GMCL1: variants seen among roughly 807,000 people sequenced by gnomAD.
GMCL1 encodes the protein germ cell-less 1, spermatogenesis associated.
Under a neutral mutation model 75.5 loss-of-function variants are expected in GMCL1, and 54 were observed. The ratio of observed to expected loss-of-function variants is 0.71; its 90% CI spans 0.57 to 0.90. The LOEUF is 0.90. GMCL1 is among the 40% of genes least tolerant of loss of function. GMCL1 has a pLI of 0.00. For synonymous variants in GMCL1, 210 were observed against 209.6 expected, an observed-to-expected ratio of 1.00 and a Z score of -0.02; for missense variants, 537 against 622.7, an observed-to-expected ratio of 0.86 and a Z score of 1.47.
chr2:69,870,359 C>T (rs1297297879), intron 12 of GMCL1, among the ~76,000 whole-genome samples: 2 of 151,952 alleles, frequency 1.3e-5, no homozygotes, highest in African/African-American at 4.8e-5. Context: ...CAAAAATTAA[C>T]TTAAAATGGA....
At chr2:69,860,945 C>T (rs917639902) in intron 9 of GMCL1, among the ~76,000 whole-genome samples, 8 of 152,112 alleles carry the variant, frequency 5.3e-5, no homozygotes, top group African/African-American at 1.2e-4. Flanking sequence ...TGGGTTCAAG[C>T]GATTCTCCCG....
chr2:69,860,473 T>A (rs1480424384), intron 9 of GMCL1, among the ~76,000 whole-genome samples: 1 of 152,154 alleles, frequency 6.6e-6, no homozygotes, highest in Non-Finnish European at 1.5e-5. Context: ...TAGAATTATT[T>A]ATTGAGTGTG....
At chr2:69,832,000 C>G (rs938711720) in intron 1 of GMCL1, among the ~76,000 whole-genome samples, 2 of 152,166 alleles carry the variant, frequency 1.3e-5, no homozygotes, top group African/African-American at 4.8e-5. Flanking sequence ...GCAGACAGAT[C>G]ACCTGAGGTC....
chr2:69,840,274 G>T (rs1674944811), intron 3 of GMCL1: 1 of 152,258 alleles, frequency 6.6e-6, no homozygotes, highest in African/African-American at 2.4e-5. Context: ...GCCAAGCGTG[G>T]TGGCAGGCAC....
rs1311266978 is a variant in GMCL1 at position 69,879,531 on chromosome 2, T to A, written c.*527T>A. On this transcript the variant is annotated 3_prime_UTR_variant, in exon 14 of 14. Transcript: ENST00000282570. ...ATTTTCACCTGCTCATTGTGATTCC[T>A]CCTTTTAGTCTAATATCTTTCCAGG... 1 of 152,310 alleles carries A rather than the reference T, an allele frequency of 6.6e-6. No homozygotes were observed. Among genetic ancestry groups the A allele is most frequent in the Non-Finnish European group, 1.5e-5 (1 of 68,096 alleles). The allele number at this position is 152,310 out of a possible 1,614,324, so 9.4% of individuals were successfully genotyped here.
In GMCL1 at chr2:69,878,965, C is replaced by T. The variant is rs1376742831; in HGVS notation, c.1509C>T (p.Cys503=). The T allele has an allele frequency of 5.6e-6, 9 of 1,608,782 alleles. No homozygotes were observed. In the East Asian group the frequency reaches 2.0e-4, roughly 36 times the overall value. Residue 503 remains cysteine (C), a synonymous_variant, in exon 14 of 14, where the codon TGC becomes TGT. Coordinates refer to ENST00000282570, the MANE Select transcript of GMCL1 (RefSeq NM_178439.5). Reference sequence around the variant, plus strand: ...TTCTGATCTTCCCTTTATATATCTGCTGTAACTTCTTGTATATATCACCAG... The same window carrying T: ...TTCTGATCTTCCCTTTATATATCTGTTGTAACTTCTTGTATATATCACCAG... ...SRLLIFPLYI[C]CNFLYISPEK...
chr2:69,875,668 C>T (rs972969648), intron 13 of GMCL1, among the ~76,000 whole-genome samples: 3 of 151,848 alleles, frequency 2.0e-5, no homozygotes, highest in Non-Finnish European at 4.4e-5. Context: ...CTGTGTATTT[C>T]CTGGAAGTAT....
chr2:69,832,467 C>T (rs1375490584), intron 1 of GMCL1, among the ~76,000 whole-genome samples: 1 of 152,166 alleles, frequency 6.6e-6, no homozygotes, highest in Non-Finnish European at 1.5e-5. Context: ...CACATACATA[C>T]ATACATATAT....
At chr2:69,876,982 T>G (rs1220503719) in intron 13 of GMCL1, among the ~76,000 whole-genome samples, 1 of 152,100 alleles carries the variant, frequency 6.6e-6, no homozygotes, top group East Asian at 1.9e-4. Flanking sequence ...AGTCAGACCC[T>G]GTCTCAAAAC....
chr2:69,874,972 T>C (rs769382195), intron 13 of GMCL1, among the ~76,000 whole-genome samples: 1 of 152,046 alleles, frequency 6.6e-6, no homozygotes, highest in Non-Finnish European at 1.5e-5. Context: ...CTGGAATTCC[T>C]AGGCTCAAGT....
In GMCL1 at chr2:69,880,762, C is replaced by G. The variant is rs1232579093; in HGVS notation, c.*1758C>G. 2 of 149,606 alleles carry G rather than the reference C, an allele frequency of 1.3e-5. No individual in the cohort carries two copies. Among genetic ancestry groups the G allele is most frequent in the Non-Finnish European group, 2.9e-5 (2 of 67,888 alleles). 9.3% of individuals were successfully genotyped at this position (149,606 alleles called of 1,614,324 possible). On this transcript the variant is annotated 3_prime_UTR_variant, in exon 14 of 14. Transcript: ENST00000282570. The stretch of plus-strand genomic sequence containing the variant: ...ACTCAGGAGGCTGAGGCAGGAGAAT[C>G]ACTTGAACCCAGGAGGCAGAGGTTG...
At chr2:69,842,917 C>A (rs1675024725) in intron 4 of GMCL1, 1 of 293,600 alleles carries the variant, frequency 3.4e-6, no homozygotes, top group African/African-American at 2.2e-5. Flanking sequence ...CTCCCCCCCA[C>A]CTTCCATTTT....
At chr2:69,878,109 G>C (rs1269594509) in intron 13 of GMCL1, among the ~76,000 whole-genome samples, 1 of 152,192 alleles carries the variant, frequency 6.6e-6, no homozygotes, top group Admixed American at 6.5e-5. Context: ...TGTTATATTT[G>C]TGTAGTGTCA....
chr2:69,880,346 C>G lies in GMCL1; in HGVS notation c.*1342C>G, dbSNP rs1380701034. The G allele has an allele frequency of 6.6e-6, 1 of 152,006 alleles. No homozygotes were observed. Among genetic ancestry groups the G allele is most frequent in the Non-Finnish European group, 1.5e-5 (1 of 67,996 alleles). 9.4% of individuals were successfully genotyped at this position (152,006 alleles called of 1,614,324 possible). A position where few individuals can be genotyped will look rare whatever the true frequency, so the allele number is the denominator to read the frequency against. ...TCTAGTTAGGTTTTTTTCCCAACTC[C>G]TTTTAACTTTTGGAATTTATTAATA... On this transcript the variant is annotated 3_prime_UTR_variant, in exon 14 of 14. Transcript: ENST00000282570.
chr2:69,834,648 T>C (rs1052843327), intron 1 of GMCL1, among the ~76,000 whole-genome samples: 8 of 152,182 alleles, frequency 5.3e-5, no homozygotes, highest in Non-Finnish European at 8.8e-5. Context: ...CTTGTGGAAC[T>C]TTTTCTTTGG....
At chr2:69,869,507 G>A (rs1411474309) in intron 11 of GMCL1, 1 of 471,430 alleles carries the variant, frequency 2.1e-6, no homozygotes, top group South Asian at 3.8e-5. Context: ...GAGGAAAGTA[G>A]CTTAGAGAAT....
intron 1 of GMCL1, among the ~76,000 whole-genome samples, chr2:69,833,510 G>A (rs1674732451): frequency 6.6e-6 from 1 of 152,194 alleles, no homozygotes; most frequent in African/African-American, 2.4e-5. Context: ...TAGCTACTTG[G>A]GAGGCTGAGG....
chr2:69,864,993 CTG>C lies in GMCL1; in HGVS notation c.1218+20_1218+21del. 1 of 1,573,284 alleles carries C rather than the reference CTG, an allele frequency of 6.4e-7. No homozygotes were observed. The highest frequency in any genetic ancestry group is 8.7e-7 in the Non-Finnish European group (1 of 1,143,360). On this transcript the variant is annotated intron_variant, in intron 11 of 13. Transcript: ENST00000282570. ...ATGGTGAAGTAAGTATGGGTTGTGACTGTTAATATTCTTATACAAATTGTATT... is the reference window on the plus strand; with the variant it reads ...ATGGTGAAGTAAGTATGGGTTGTGACTTAATATTCTTATACAAATTGTATT...
intron 8 of GMCL1, 140 bp downstream of exon 8, chr2:69,849,882 G>C: frequency 2.1e-6 from 1 of 481,536 alleles, no homozygotes; most frequent in South Asian, 4.8e-5. Context: ...TTTAGAGCTT[G>C]GAGAAGACCT....
Sources: allele counts gnomAD v4.1 joint callset (sites outside exome capture counted in the v4.1 genomes callset), GRCh38; gene constraint gnomAD v4.1.1; transcripts MANE v1.5; gene names NCBI Gene and HGNC (gene_info 2026-07-23, HGNC 2026-07-21).